The following POLI variants were observed in gnomAD, a reference collection of about 807,000 sequenced individuals.
The protein encoded by POLI is RAD30 homolog B.
POLI carries 58 observed loss-of-function variants against 51.6 expected under a neutral mutation model. That is an observed-to-expected ratio of 1.12 (90% CI 0.91 to 1.40). POLI has a LOEUF of 1.40. POLI is among the 40% of genes most tolerant of loss of function. The probability of loss-of-function intolerance (pLI) is 0.00; values close to 1 mark genes in which losing one functional copy is unlikely to be tolerated. For synonymous variants in POLI, 322 were observed against 299.7 expected, an observed-to-expected ratio of 1.07 and a Z score of -0.77; for missense variants, 921 against 871.3, an observed-to-expected ratio of 1.06 and a Z score of -0.72.
At chr18:54,276,766 T>G (rs2087258231) in intron 3 of POLI, among the ~76,000 whole-genome samples, 1 of 152,222 alleles carries the variant, frequency 6.6e-6, no homozygotes, top group African/African-American at 2.4e-5. Context: ...CCCCTCACAT[T>G]GTCAATGTTG....
At chr18:54,275,050 A>G (rs1004280024) in intron 3 of POLI, 2 of 152,238 alleles carry the variant, frequency 1.3e-5, no homozygotes, top group Non-Finnish European at 2.9e-5. Flanking sequence ...TATATCTGTC[A>G]TACTTGCCCA....
intron 3 of POLI, among the ~76,000 whole-genome samples, chr18:54,311,436 A>G (rs1240587949): frequency 1.3e-5 from 2 of 152,224 alleles, no homozygotes; most frequent in Non-Finnish European, 2.9e-5. Flanking sequence ...AGTGGTCAGT[A>G]TAGTATATTT....
In POLI at chr18:54,282,959, C is replaced by G. The variant is rs756490660; in HGVS notation, c.919C>G (p.Gln307Glu). 1.2e-6 allele frequency: 2 copies of G among 1,610,798 alleles called. No individual in the cohort carries two copies. Among genetic ancestry groups the G allele is most frequent in the South Asian group, 2.2e-5 (2 of 90,476 alleles). The change falls in exon 6 of 10, where the codon CAA (glutamine) becomes GAA (glutamate). Residue 307 changes from glutamine (Q) to glutamate (E), a missense_variant. Transcript: ENST00000579534. ...ELGISVAQRI[Q>E]KLSFGEDNSP... Reference sequence around the variant, plus strand: ...AGGAATTTCAGTTGCTCAGCGTATCCAAAAGCTCAGTTTTGGAGAGGATAA... The same window carrying G: ...AGGAATTTCAGTTGCTCAGCGTATCGAAAAGCTCAGTTTTGGAGAGGATAA...
intron 7 of POLI, among the ~76,000 whole-genome samples, chr18:54,285,567 ATTAG>A (rs958680226): frequency 2.7e-5 from 4 of 145,610 alleles, no homozygotes; most frequent in African/African-American, 1.0e-4. Flanking sequence ...TTTGTGTATA[ATTAG>A]TTTTGTTTTC....
In POLI at chr18:54,274,057, A is replaced by G. The variant is rs757990952; in HGVS notation, c.373A>G (p.Thr125Ala). The G allele has an allele frequency of 1.5e-5, 23 of 1,510,404 alleles. No homozygotes were observed. In the Admixed American group the frequency reaches 2.3e-4, roughly 15 times the overall value. 93.6% of individuals were successfully genotyped at this position (1,510,404 alleles called of 1,614,324 possible). The part of the protein sequence containing the change: ...QLVLVNGEDL[T>A]RYREMSYKVT... ...GGTATTAGTTAATGGAGAAGACCTG[A>G]CCCGCTACAGAGAAATGTCTTATAA... The change falls in exon 3 of 10, where the codon ACC becomes GCC. Residue 125 changes from threonine to alanine, a missense_variant. Thr to Ala is a moderately conservative substitution (Grantham distance 58). Coordinates refer to ENST00000579534, the MANE Select transcript of POLI (RefSeq NM_007195.3).
chr18:54,273,954 C>A lies in POLI; in HGVS notation c.270C>A (p.Thr90=). 1.3e-6 allele frequency: 2 copies of A among 1,561,120 alleles called. No homozygotes were observed. The highest frequency in any genetic ancestry group is 1.7e-6 in the Non-Finnish European group (2 of 1,154,550). ...TTCAACAGAAATATTTGGTGGTTAC[C>A]TGCAACTATGAAGCTAGGAAACTTG... ...LGVQQKYLVV[T]CNYEARKLGV... is the part of the protein sequence containing the mutation. The change falls in exon 3 of 10, where the codon ACC becomes ACA. Residue 90 remains threonine, a synonymous_variant. Transcript: ENST00000579534.
chr18:54,283,019 CATG>C lies in POLI; in HGVS notation c.975+10_975+12del. The C allele has an allele frequency of 6.4e-7, 1 of 1,564,530 alleles. No individual in the cohort carries two copies. ...GATACTCTCAGGACCACCTCAGGTACATGATGATACTTATTTTAATTAAGTACT... is the reference window on the plus strand; with the variant it reads ...GATACTCTCAGGACCACCTCAGGTACATGATACTTATTTTAATTAAGTACT... On this transcript the variant is annotated splice_donor_5th_base_variant and intron_variant, in intron 6 of 9. Transcript: ENST00000579534.
In POLI at chr18:54,293,949, T is replaced by C; in HGVS notation, c.1705T>C (p.Leu569=). 6.2e-7 allele frequency: 1 copy of C among 1,612,586 alleles called. No homozygotes were observed. Residue 569 remains leucine, a synonymous_variant, in exon 10 of 10, where the codon TTA becomes CTA. Coordinates refer to ENST00000579534, the MANE Select transcript of POLI (RefSeq NM_007195.3). ...TCCATTACATGCCTCTAGAGGAGTA[T>C]TATCTTTCTTTTCTAAAAAACAAAT... ...SCPLHASRGV[L]SFFSKKQMQD...
At chr18:54,274,311 CTT>C (rs2144460554) in intron 3 of POLI, among the ~76,000 whole-genome samples, 1 of 151,992 alleles carries the variant, frequency 6.6e-6, no homozygotes, top group Non-Finnish European at 1.5e-5. Context: ...AATTTTAACT[CTT>C]ATTATTGATG....
At chr18:54,314,049 A>T (rs887405309) in intron 3 of POLI, among the ~76,000 whole-genome samples, 1 of 152,146 alleles carries the variant, frequency 6.6e-6, no homozygotes, top group African/African-American at 2.4e-5. Flanking sequence ...GAATGCGTCC[A>T]GCTTTTGCCC....
At chr18:54,312,077 A>G (rs1284190899) in intron 3 of POLI, among the ~76,000 whole-genome samples, 1 of 152,132 alleles carries the variant, frequency 6.6e-6, no homozygotes, top group Non-Finnish European at 1.5e-5. Flanking sequence ...TATCCAATAG[A>G]TAGTTTTTCA....
intron 3 of POLI, among the ~76,000 whole-genome samples, chr18:54,304,546 G>A (rs1422097854): frequency 6.6e-6 from 1 of 152,216 alleles, no homozygotes; most frequent in African/African-American, 2.4e-5. Context: ...TCTGTTGACT[G>A]CATAAATGTC....
Position 54,282,964 on chromosome 18 carries a change from G to C in POLI, c.924G>C (p.Lys308Asn), listed in dbSNP as rs1226281110. Residue 308 changes from lysine (K) to asparagine (N), a missense_variant, in exon 6 of 10, where the codon AAG becomes AAC. Coordinates refer to ENST00000579534, the MANE Select transcript of POLI (RefSeq NM_007195.3). Reference sequence around the variant, plus strand: ...TTTCAGTTGCTCAGCGTATCCAAAAGCTCAGTTTTGGAGAGGATAACTCCC... The same window carrying C: ...TTTCAGTTGCTCAGCGTATCCAAAACCTCAGTTTTGGAGAGGATAACTCCC... The part of the protein sequence containing the change: ...LGISVAQRIQ[K>N]LSFGEDNSPV... 13 of 1,611,004 alleles carry C rather than the reference G, an allele frequency of 8.1e-6. No homozygotes were observed. The highest frequency in any genetic ancestry group is 1.1e-5 in the Non-Finnish European group (13 of 1,178,362).
intron 4 of POLI, among the ~76,000 whole-genome samples, chr18:54,280,177 A>G (rs568191542): frequency 4.8e-4 from 73 of 152,202 alleles, no homozygotes; most frequent in Non-Finnish European, 9.3e-4. Context: ...TGGGTAATTT[A>G]TAAAGAAAAA....
Position 54,297,860 on chromosome 18 carries a change from C to T in POLI, c.*3393C>T. ...GTCAATGTTTATTTTTTTGATGGGA[C>T]ATGGTGGGGGCTTACCTTTTTTCTT... is the stretch of plus-strand genomic sequence containing the variant. On this transcript the variant is annotated 3_prime_UTR_variant, in exon 10 of 10. Coordinates refer to ENST00000579534, the MANE Select transcript of POLI (RefSeq NM_007195.3). 1 of 979,930 alleles carries T rather than the reference C, an allele frequency of 1.0e-6. No homozygotes were observed. Among genetic ancestry groups the T allele is most frequent in the Non-Finnish European group, 1.2e-6 (1 of 825,628 alleles). The allele number at this position is 979,930 out of a possible 1,614,324, so 60.7% of individuals were successfully genotyped here.
chr18:54,286,546 A>G (rs1227107088), intron 7 of POLI, among the ~76,000 whole-genome samples: 2 of 152,082 alleles, frequency 1.3e-5, no homozygotes, highest in South Asian at 4.1e-4. Context: ...TTTTTTTGGT[A>G]ATCTCGTAAG....
At chr18:54,284,689 A>T (rs1230487437) in intron 7 of POLI, 1 of 152,388 alleles carries the variant, frequency 6.6e-6, no homozygotes, top group South Asian at 2.1e-4. Context: ...GAGTCGAAGG[A>T]AAGAATGGCT....
At chr18:54,311,424 A>G (rs1256027344) in intron 3 of POLI, among the ~76,000 whole-genome samples, 1 of 152,206 alleles carries the variant, frequency 6.6e-6, no homozygotes, top group East Asian at 1.9e-4. Flanking sequence ...TGAATTTTAA[A>G]AAGTGGTCAG....
rs2088420379 is a variant in POLI, at chr18:54,298,088, A to T, written c.*3621A>T. 1.0e-6 allele frequency: 1 copy of T among 959,680 alleles called. No homozygotes were observed. The highest frequency in any genetic ancestry group is 1.8e-5 in the African/African-American group (1 of 56,730). 59.4% of individuals were successfully genotyped at this position (959,680 alleles called of 1,614,324 possible). ...ATGAATCTGCAGATTTGTGTCTTCC[A>T]TCAAATCTGGATTGTTTTCAATATT... On this transcript the variant is annotated 3_prime_UTR_variant, in exon 10 of 10. Coordinates refer to ENST00000579534, the MANE Select transcript of POLI (RefSeq NM_007195.3).
Sources: allele counts gnomAD v4.1 joint callset (sites outside exome capture counted in the v4.1 genomes callset), GRCh38; gene constraint gnomAD v4.1.1; transcripts MANE v1.5; gene names NCBI Gene and HGNC (gene_info 2026-07-23, HGNC 2026-07-21).